PRCC: variants seen among roughly 807,000 people sequenced by gnomAD.
PRCC encodes the protein proline-rich protein PRCC.
Under a neutral mutation model 44.0 loss-of-function variants are expected in PRCC, and 10 were observed. The ratio of observed to expected loss-of-function variants is 0.23; its 90% CI spans 0.14 to 0.39. PRCC has a LOEUF of 0.39. Ranked by LOEUF, PRCC falls within the 10% of genes least tolerant of loss-of-function variation. The probability of loss-of-function intolerance (pLI) is 1.00; values close to 1 mark genes in which losing one functional copy is unlikely to be tolerated. For synonymous variants in PRCC, 278 were observed against 259.5 expected (o/e 1.07, Z -0.69); for missense variants, 573 against 624.7 (o/e 0.92, Z 0.88).
intron 1 of PRCC, among the ~76,000 whole-genome samples, chr1:156,781,059 AC>A (rs1652032478): frequency 6.6e-6 from 1 of 152,014 alleles, no homozygotes; most frequent in Non-Finnish European, 1.5e-5. Flanking sequence ...TGATTTGGGT[AC>A]TTATTCTTTT....
chr1:156,787,410 A>AT (rs940340806), intron 3 of PRCC, among the ~76,000 whole-genome samples: 23 of 148,184 alleles, frequency 1.6e-4, no homozygotes, highest in South Asian at 4.2e-4. Flanking sequence ...CAATCTATTT[A>AT]TTTTTTATTG....
At chr1:156,784,739 T>C (rs868023565) in intron 2 of PRCC, among the ~76,000 whole-genome samples, 15 of 152,234 alleles carry the variant, frequency 9.9e-5, no homozygotes, top group Non-Finnish European at 1.5e-4. Flanking sequence ...ACTAGTACTC[T>C]AAGACAGTGA....
At chr1:156,778,039 A>AT (rs950701537) in intron 1 of PRCC, among the ~76,000 whole-genome samples, 8 of 151,998 alleles carry the variant, frequency 5.3e-5, no homozygotes, top group Admixed American at 1.3e-4. Context: ...TCAAATGCTT[A>AT]TTTTTTTTGT....
chr1:156,788,886 G>A (rs191016896), intron 3 of PRCC, among the ~76,000 whole-genome samples: 2 of 152,024 alleles, frequency 1.3e-5, no homozygotes, highest in East Asian at 1.9e-4. Flanking sequence ...GGCTGGTCTC[G>A]AACTCCTGAC....
intron 3 of PRCC, among the ~76,000 whole-genome samples, chr1:156,790,288 C>T (rs768230828): frequency 3.2e-4 from 49 of 152,208 alleles, no homozygotes; most frequent in Admixed American, 5.9e-4. Context: ...ATAGGCTGAG[C>T]AGAGATAGTA....
intron 1 of PRCC, among the ~76,000 whole-genome samples, chr1:156,773,340 T>G (rs890839504): frequency 6.6e-6 from 1 of 152,118 alleles, no homozygotes; most frequent in Non-Finnish European, 1.5e-5. Flanking sequence ...TGGACCTAGC[T>G]TAATGGAAAA....
intron 1 of PRCC, among the ~76,000 whole-genome samples, chr1:156,773,584 CTTCT>C (rs1236560649): frequency 6.6e-6 from 1 of 152,182 alleles, no homozygotes; most frequent in East Asian, 1.9e-4. Flanking sequence ...TAGCATTGTC[CTTCT>C]TTCTTGATCT....
chr1:156,791,390 T>A (rs1234878307), intron 3 of PRCC: 20 of 469,644 alleles, frequency 4.3e-5, no homozygotes, highest in Non-Finnish European at 7.5e-5. Flanking sequence ...GAGTCTCTCT[T>A]AGGAAGTAGC....
At chr1:156,785,197 G>C (rs1652193465) in intron 2 of PRCC, among the ~76,000 whole-genome samples, 1 of 152,108 alleles carries the variant, frequency 6.6e-6, no homozygotes. Flanking sequence ...AGCTAATGTA[G>C]AATTCTATGG....
intron 1 of PRCC, among the ~76,000 whole-genome samples, chr1:156,772,526 A>C (rs1284614537): frequency 6.6e-6 from 1 of 152,196 alleles, no homozygotes; most frequent in Non-Finnish European, 1.5e-5. Context: ...CAGGGGAGGC[A>C]GACTTCTCCT....
rs528914558 is a variant in PRCC, at chr1:156,774,483, T to G, written c.468+6244T>G. 2.6e-5 allele frequency among the ~76,000 whole-genome samples: 4 copies of G among 151,574 alleles called. No homozygotes were observed. The South Asian group carries it at 8.4e-4, about 32-fold the overall frequency. The stretch of plus-strand genomic sequence containing the variant: ...CCACTGTGCCCAGCCCTTTTTCTTT[T>G]CTTTTTTCTTTTTTTTTCAATGAAA... On this transcript the variant is annotated intron_variant, in intron 1 of 6. Transcript: ENST00000271526.
intron 1 of PRCC, 27 bp downstream of exon 1, chr1:156,768,266 A>C: frequency 6.5e-7 from 1 of 1,535,678 alleles, no homozygotes; most frequent in Non-Finnish European, 8.7e-7. Flanking sequence ...GGCACCCCCA[A>C]ACTGTCCATC....
chr1:156,778,667 C>T (rs1245668186), intron 1 of PRCC, among the ~76,000 whole-genome samples: 7 of 150,658 alleles, frequency 4.6e-5, no homozygotes, highest in Admixed American at 4.0e-4. Context: ...ACTGCAACCT[C>T]GACTTCTTGG....
intron 1 of PRCC, among the ~76,000 whole-genome samples, chr1:156,780,248 G>A (rs1190081300): frequency 1.3e-5 from 2 of 151,532 alleles, no homozygotes; most frequent in African/African-American, 2.4e-5. Flanking sequence ...TAGTAGAGAC[G>A]GGGTTTTACC....
intron 3 of PRCC, among the ~76,000 whole-genome samples, chr1:156,790,523 T>C (rs933554938): frequency 6.6e-6 from 1 of 152,212 alleles, no homozygotes; most frequent in Non-Finnish European, 1.5e-5. Context: ...CGTGGAAGGC[T>C]GAGACAGGAG....
chr1:156,769,497 T>G (rs1651544520), intron 1 of PRCC, among the ~76,000 whole-genome samples: 1 of 152,264 alleles, frequency 6.6e-6, no homozygotes, highest in African/African-American at 2.4e-5. Flanking sequence ...CATGGATATT[T>G]TGTGAGTGAA....
chr1:156,776,577 G>A (rs1320665578), intron 1 of PRCC, among the ~76,000 whole-genome samples: 2 of 152,070 alleles, frequency 1.3e-5, no homozygotes, highest in Non-Finnish European at 2.9e-5. Flanking sequence ...CAGTGGATCT[G>A]GCCTTCAATT....
Position 156,782,444 on chromosome 1 carries a change from A to G in PRCC, c.516+115A>G, listed in dbSNP as rs2274502. The G allele has an allele frequency of 1.1e-4, 100 of 879,942 alleles. No homozygotes were observed. The East Asian group carries it at 2.6e-3, about 23-fold the overall frequency. 54.5% of individuals were successfully genotyped at this position (879,942 alleles called of 1,614,324 possible). A position where few individuals can be genotyped will look rare whatever the true frequency, so the allele number is the denominator to read the frequency against. On this transcript the variant is annotated intron_variant, in intron 2 of 6. Coordinates refer to ENST00000271526, the MANE Select transcript of PRCC (RefSeq NM_005973.5). The stretch of plus-strand genomic sequence containing the variant: ...GGCTTAGAGCAAACACAGATATTTG[A>G]GGACTATTTAGGTTCGGCTTTGTTT...
chr1:156,789,895 G>T (rs962532198), intron 3 of PRCC, among the ~76,000 whole-genome samples: 4 of 152,260 alleles, frequency 2.6e-5, no homozygotes, highest in Admixed American at 6.5e-5. Flanking sequence ...TAGATTTGAT[G>T]TGTATGGCCC....
Sources: gnomAD v4.1 joint callset for allele counts (sites outside exome capture counted in the v4.1 genomes callset) on GRCh38, gnomAD v4.1.1 for gene constraint, MANE v1.5 for transcripts, NCBI Gene and HGNC (gene_info 2026-07-23, HGNC 2026-07-21) for gene names.